The following SAP30 variants were observed in gnomAD, a reference collection of about 807,000 sequenced individuals.
SAP30 encodes the protein histone deacetylase complex subunit SAP30.
A neutral mutation model predicts 19.6 loss-of-function variants in SAP30; 13 were observed. The observed-to-expected ratio is 0.66, with a 90% confidence interval of 0.43 to 1.05. The LOEUF (loss-of-function observed/expected upper bound fraction) is 1.05. Ranked by LOEUF, SAP30 falls within the 50% of genes least tolerant of loss-of-function variation. The pLI, the probability that SAP30 is intolerant of heterozygous loss-of-function variation, is 0.00. For missense variants in SAP30, 257 were observed against 292.1 expected (o/e 0.88, Z 0.88); for synonymous variants, 108 against 122.7 (o/e 0.88, Z 0.79).
At chr4:173,375,755 G>A (rs964937511) in intron 3 of SAP30, among the ~76,000 whole-genome samples, 1 of 152,150 alleles carries the variant, frequency 6.6e-6, no homozygotes, top group South Asian at 2.1e-4. Flanking sequence ...TTTAAGAGAG[G>A]GGTCCCCAAC....
Position 173,371,105 on chromosome 4 carries a change from C to T in SAP30, c.-78C>T. On this transcript the variant is annotated 5_prime_UTR_variant, in exon 1 of 4. Transcript: ENST00000296504. The surrounding 1 kb of genome is among the most constrained non-coding windows in gnomAD (Gnocchi z 6.4). Reference sequence around the variant, plus strand: ...TAACTTGGTGTGCAGAGTGAATTGCCGCTGCCGGAGCGGAGAGAGGCGGAG... The same window carrying T: ...TAACTTGGTGTGCAGAGTGAATTGCTGCTGCCGGAGCGGAGAGAGGCGGAG... 1.5e-6 allele frequency: 2 copies of T among 1,361,262 alleles called. No individual in the cohort carries two copies. The allele number at this position is 1,361,262 out of a possible 1,614,324, so 84.3% of individuals were successfully genotyped here. A position where few individuals can be genotyped will look rare whatever the true frequency, so the allele number is the denominator to read the frequency against.
chr4:173,373,253 A>G (rs1738978717), intron 1 of SAP30, 137 bp from the exon 2 acceptor site: 2 of 674,062 alleles, frequency 3.0e-6, no homozygotes, highest in African/African-American at 3.7e-5. Flanking sequence ...TTAAACGTAT[A>G]AATATTCCAT....
At position 173,374,011 on chromosome 4, in the gene SAP30, G is replaced by A; in HGVS notation, c.514G>A (p.Gly172Arg). 6.3e-7 allele frequency: 1 copy of A among 1,597,278 alleles called. No individual in the cohort carries two copies. Among genetic ancestry groups the A allele is most frequent in the South Asian group, 1.1e-5 (1 of 89,328 alleles). The change falls in exon 3 of 4, where the codon GGA (glycine) becomes AGA (arginine). Residue 172 changes from glycine to arginine, a missense_variant. Gly to Arg is a moderately radical substitution (Grantham distance 125, BLOSUM62 -2). Coordinates refer to ENST00000296504, the MANE Select transcript of SAP30 (RefSeq NM_003864.4). ...ACACTTCAAGCTACCAACCAGACCA[G>A]GACTTAATAAAGCACAACTTGTTGA... is the stretch of plus-strand genomic sequence containing the variant. ...KRHFKLPTRPGLNKAQLVEIV... is the reference protein window; with the variant it reads ...KRHFKLPTRPRLNKAQLVEIV...
chr4:173,371,483 G>T lies in SAP30; in HGVS notation c.301G>T (p.Glu101Ter). The change falls in exon 1 of 4, where the codon GAG becomes TAG. Residue 101 changes from glutamate (E) to a stop codon, truncating the protein, a stop_gained. Coordinates refer to ENST00000296504, the MANE Select transcript of SAP30 (RefSeq NM_003864.4). LOFTEE classifies it high-confidence loss of function. This position sits in a 1 kb window ranked among gnomAD's most constrained non-coding sequence, Gnocchi z 6.4. Reference protein sequence around the residue: ...KSISQKKVKIELDKSARHLYI... With the variant: ...KSISQKKVKI ...CATCTCCCAGAAGAAGGTGAAGATCGAGCTGGATAAGAGCGTAAGTAAACC... is the reference window on the plus strand; with the variant it reads ...CATCTCCCAGAAGAAGGTGAAGATCTAGCTGGATAAGAGCGTAAGTAAACC... 1 of 1,584,842 alleles carries T rather than the reference G, an allele frequency of 6.3e-7. No individual in the cohort carries two copies. The highest frequency in any genetic ancestry group is 1.1e-5 in the South Asian group (1 of 90,844).
intron 1 of SAP30, 123 bp from the exon 2 acceptor site, chr4:173,373,267 C>G (rs952586410): frequency 1.3e-6 from 1 of 750,884 alleles, no homozygotes; most frequent in African/African-American, 1.8e-5. Context: ...ATTCCATTAT[C>G]TTAACAATGG....
chr4:173,374,329 G>A (rs941348785), intron 3 of SAP30, among the ~76,000 whole-genome samples: 2 of 152,164 alleles, frequency 1.3e-5, no homozygotes, highest in Non-Finnish European at 2.9e-5. Flanking sequence ...AGGCTGGAGT[G>A]CAGTGGCATG....
intron 3 of SAP30, among the ~76,000 whole-genome samples, chr4:173,374,447 T>C (rs1739002865): frequency 1.3e-5 from 2 of 152,132 alleles, no homozygotes; most frequent in Admixed American, 6.5e-5. Flanking sequence ...GGCTAATTTT[T>C]GTATAATATT....
rs1738995479 is a variant in SAP30 at position 173,373,993 on chromosome 4, A to C, written c.496A>C (p.Lys166Gln). ...NTLRRYKRHF[K>Q]LPTRPGLNKA... ...ACTTAGGAGATACAAAAGACACTTC[A>C]AGCTACCAACCAGACCAGGACTTAA... is the stretch of plus-strand genomic sequence containing the variant. Residue 166 changes from lysine to glutamine, a missense_variant, in exon 3 of 4, where the codon AAG becomes CAG. Transcript: ENST00000296504. The C allele has an allele frequency of 6.2e-7, 1 of 1,605,250 alleles. No homozygotes were observed. Among genetic ancestry groups the C allele is most frequent in the Admixed American group, 1.7e-5 (1 of 58,484 alleles).
In SAP30 at chr4:173,373,373, A is replaced by G. The variant is rs370972503; in HGVS notation, c.316-17A>G. 13 of 1,596,370 alleles carry G rather than the reference A, an allele frequency of 8.1e-6. No individual in the cohort carries two copies. Among genetic ancestry groups the G allele is most frequent in the Non-Finnish European group, 1.1e-5 (13 of 1,172,576 alleles). ...TTACTGTAATCATAAGCAGTGTGTA[A>G]AACTTTTCTGTTTCAGGCAAGGCAT... On this transcript the variant is annotated splice_polypyrimidine_tract_variant and intron_variant, in intron 1 of 3. Transcript: ENST00000296504.
At chr4:173,373,281 A>G (rs1300531979) in intron 1 of SAP30, 109 bp from the exon 2 acceptor site, 1 of 949,648 alleles carries the variant, frequency 1.1e-6, no homozygotes, top group South Asian at 2.2e-5. Context: ...ACAATGGCCC[A>G]TCTTGGCTGT....
chr4:173,375,986 G>A (rs1165594557), intron 3 of SAP30, among the ~76,000 whole-genome samples: 2 of 152,296 alleles, frequency 1.3e-5, no homozygotes, highest in South Asian at 2.1e-4. Flanking sequence ...GATGATCTGA[G>A]GTGGAACAAT....
chr4:173,373,684 A>G (rs1238875063), intron 2 of SAP30, among the ~76,000 whole-genome samples, 169 bp downstream of exon 2: 3 of 152,226 alleles, frequency 2.0e-5, no homozygotes, highest in Non-Finnish European at 2.9e-5. Context: ...TTGAATTGTT[A>G]CATTTTAGAT....
chr4:173,377,112 AC>A lies in SAP30; in HGVS notation c.541-92del, dbSNP rs546538069. ...AAGGAAATAGCCCTTATCACATAGC[AC>A]TTTTTCTTTTGATGAAACCGTATTT... On this transcript the variant is annotated intron_variant, in intron 3 of 3. Coordinates refer to ENST00000296504, the MANE Select transcript of SAP30 (RefSeq NM_003864.4). 272 of 849,394 alleles carry A rather than the reference AC, an allele frequency of 3.2e-4. 5 individuals carry two copies. The South Asian group carries it at 5.1e-3, about 16-fold the overall frequency. The allele number at this position is 849,394 out of a possible 1,614,324, so 52.6% of individuals were successfully genotyped here. A position where few individuals can be genotyped will look rare whatever the true frequency, so the allele number is the denominator to read the frequency against.
intron 3 of SAP30, among the ~76,000 whole-genome samples, chr4:173,376,362 C>G (rs1008667398): frequency 3.3e-5 from 5 of 152,116 alleles, no homozygotes; most frequent in African/African-American, 1.2e-4. Flanking sequence ...TTTCAAGGAA[C>G]CTTAACCAAA....
intron 3 of SAP30, among the ~76,000 whole-genome samples, chr4:173,375,026 T>TTATATATA (rs3052296): frequency 1.4e-5 from 2 of 147,090 alleles, no homozygotes; most frequent in East Asian, 3.9e-4. Flanking sequence ...GTTTATAGAT[T>TTATATATA]TATATATATA....
Position 173,371,222 on chromosome 4 carries a change from G to T in SAP30, c.40G>T (p.Asp14Tyr). 6.8e-7 allele frequency: 1 copy of T among 1,464,816 alleles called. No homozygotes were observed. The highest frequency in any genetic ancestry group is 3.0e-5 in the East Asian group (1 of 33,882). 90.7% of individuals were successfully genotyped at this position (1,464,816 alleles called of 1,614,324 possible). Residue 14 changes from aspartate (D) to tyrosine (Y), a missense_variant, in exon 1 of 4, where the codon GAT (aspartate) becomes TAT (tyrosine). By Grantham distance (160) the Asp-to-Tyr change is radical (BLOSUM62 -3). Coordinates refer to ENST00000296504, the MANE Select transcript of SAP30 (RefSeq NM_003864.4). This position sits in a 1 kb window ranked among gnomAD's most constrained non-coding sequence, Gnocchi z 6.4. ...GCCTGACGAGATGAGCCGCGGCGGG[G>T]ATGCGGCCGCCGCAGTGGCCGCAGT... ...FTPDEMSRGG[D>Y]AAAAVAAVVA... is the part of the protein sequence containing the mutation.
Position 173,377,298 on chromosome 4 carries a change from G to T in SAP30, c.634G>T (p.Asp212Tyr), listed in dbSNP as rs779149526. 1.2e-6 allele frequency: 2 copies of T among 1,607,262 alleles called. No individual in the cohort carries two copies. The highest frequency in any genetic ancestry group is 1.7e-6 in the Non-Finnish European group (2 of 1,177,698). The change falls in exon 4 of 4, where the codon GAT becomes TAT. Residue 212 changes from aspartate to tyrosine, a missense_variant. Coordinates refer to ENST00000296504, the MANE Select transcript of SAP30 (RefSeq NM_003864.4). ...YSVKNDKNKS[D>Y]LKVDSGVH ...AGTGAAGAATGACAAGAACAAATCA[G>T]ATCTCAAGGTTGATAGTGGTGTTCA...
Position 173,374,018 on chromosome 4 carries a change from AT to A in SAP30, c.522del (p.Asn174LysfsTer8), listed in dbSNP as rs780963159. On this transcript the variant is annotated frameshift_variant, in exon 3 of 4. Coordinates refer to ENST00000296504, the MANE Select transcript of SAP30 (RefSeq NM_003864.4). LOFTEE classifies it high-confidence loss of function. The part of the protein sequence containing the change: ...HFKLPTRPGL[N>X]KAQLVEIVGC... ...AAGCTACCAACCAGACCAGGACTTA[AT>A]AAAGCACAACTTGTTGAGGTATATA... is the stretch of plus-strand genomic sequence containing the variant. 4 of 1,591,058 alleles carry A rather than the reference AT, an allele frequency of 2.5e-6. 1 individual carries two copies. Among genetic ancestry groups the A allele is most frequent in the Non-Finnish European group, 1.7e-6 (2 of 1,164,662 alleles).
chr4:173,373,282 T>C, intron 1 of SAP30, 108 bp from the exon 2 acceptor site: 2 of 952,656 alleles, frequency 2.1e-6, no homozygotes, highest in Non-Finnish European at 1.5e-6. Flanking sequence ...CAATGGCCCA[T>C]CTTGGCTGTC....
Sources: allele counts gnomAD v4.1 joint callset (sites outside exome capture counted in the v4.1 genomes callset), GRCh38; gene constraint gnomAD v4.1.1; non-coding constraint Gnocchi (gnomAD v3.1); transcripts MANE v1.5; gene names NCBI Gene and HGNC (gene_info 2026-07-23, HGNC 2026-07-21).